Variants in HTR4 observed in about 807,000 individuals in gnomAD.
HTR4 encodes 5-hydroxytryptamine (serotonin) receptor 4, G protein-coupled.
In HTR4, 16 loss-of-function variants were observed where a neutral mutation model predicts 36.8. The observed-to-expected ratio is 0.43, with a 90% CI of 0.29 to 0.66. The LOEUF (loss-of-function observed/expected upper bound fraction) is 0.66, where lower values mean the gene tolerates loss of function less well. Among genes scored for constraint, HTR4 ranks in the 30% least tolerant of loss-of-function variants. HTR4 has a pLI of 0.13. For missense variants in HTR4, 438 were observed against 490.9 expected (o/e 0.89, Z 1.02); for synonymous variants, 189 against 185.1 (o/e 1.02, Z -0.17).
chr5:148,470,212 T>G (rs1435580264), intron 5 of HTR4, among the ~76,000 whole-genome samples: 2 of 152,218 alleles, frequency 1.3e-5, no homozygotes, highest in African/African-American at 4.8e-5. Context: ...TTAATAAAGA[T>G]AGCTAACATT....
chr5:148,589,448 A>G (rs1470842448), intron 2 of HTR4, among the ~76,000 whole-genome samples: 1 of 151,604 alleles, frequency 6.6e-6, no homozygotes, highest in African/African-American at 2.4e-5. Flanking sequence ...GCATTTCCCT[A>G]TTTTCTTGTG....
At chr5:148,473,627 T>C (rs768199437), downstream of HTR4, among the ~76,000 whole-genome samples, 9 of 152,188 alleles carry the variant, frequency 5.9e-5, no homozygotes, top group Non-Finnish European at 1.3e-4. Context: ...ATAATCACTA[T>C]CGGTGTTTGT....
intron 1 of HTR4, among the ~76,000 whole-genome samples, chr5:148,650,157 C>T (rs1157399873): frequency 2.0e-5 from 3 of 152,222 alleles, no homozygotes; most frequent in Non-Finnish European, 4.4e-5. Context: ...TCCCCTCAGC[C>T]ATTTATCCTT....
chr5:148,487,121 T>G (rs1756200326), intron 6 of HTR4, among the ~76,000 whole-genome samples: 1 of 152,212 alleles, frequency 6.6e-6, no homozygotes, highest in South Asian at 2.1e-4. Context: ...ACATTTAATC[T>G]TCAATGCAAA....
At chr5:148,589,970 C>G (rs1361369399) in intron 2 of HTR4, among the ~76,000 whole-genome samples, 10 of 152,076 alleles carry the variant, frequency 6.6e-5, no homozygotes, top group Non-Finnish European at 4.4e-5. Flanking sequence ...GTCTAACAAA[C>G]TTTGTACCCT....
intron 2 of HTR4, among the ~76,000 whole-genome samples, chr5:148,612,169 C>G (rs981077498): frequency 1.3e-5 from 2 of 152,140 alleles, no homozygotes; most frequent in Non-Finnish European, 2.9e-5. Flanking sequence ...AGCTCTGCAC[C>G]AAGCGGACCT....
chr5:148,625,497 C>G (rs1190828707), intron 2 of HTR4, among the ~76,000 whole-genome samples: 3 of 152,064 alleles, frequency 2.0e-5, no homozygotes, highest in Non-Finnish European at 4.4e-5. Context: ...TTTCAACTTC[C>G]CCACTCTTAA....
At chr5:148,477,688 G>A (rs763679159), downstream of HTR4, among the ~76,000 whole-genome samples, 6 of 152,190 alleles carry the variant, frequency 3.9e-5, no homozygotes, top group Non-Finnish European at 7.3e-5. Context: ...CTGACATGTA[G>A]TAACTGGTAA....
At chr5:148,518,006 T>C (rs970886010) in intron 5 of HTR4, among the ~76,000 whole-genome samples, 1 of 152,106 alleles carries the variant, frequency 6.6e-6, no homozygotes, top group Non-Finnish European at 1.5e-5. Flanking sequence ...CTTGATATGT[T>C]AGGAATATTC....
chr5:148,467,915 G>A (rs1468103248), intron 5 of HTR4, among the ~76,000 whole-genome samples: 1 of 152,192 alleles, frequency 6.6e-6, no homozygotes, highest in Non-Finnish European at 1.5e-5. Flanking sequence ...AGGTTGGTAT[G>A]GTGAAAAGGA....
At chr5:148,487,635 A>G (rs1756225088) in intron 6 of HTR4, among the ~76,000 whole-genome samples, 2 of 152,224 alleles carry the variant, frequency 1.3e-5, no homozygotes, top group African/African-American at 4.8e-5. Flanking sequence ...TTACGCACAC[A>G]GGTGTATGAG....
At chr5:148,511,464 G>T (rs561870975) in intron 5 of HTR4, among the ~76,000 whole-genome samples, 21 of 152,090 alleles carry the variant, frequency 1.4e-4, no homozygotes, top group African/African-American at 4.3e-4. Flanking sequence ...TCACATTATT[G>T]CATGTACAGG....
intron 2 of HTR4, among the ~76,000 whole-genome samples, chr5:148,615,957 C>G (rs1581551410): frequency 1.3e-5 from 2 of 152,238 alleles, no homozygotes; most frequent in East Asian, 3.9e-4. Flanking sequence ...CTCTTTTTCC[C>G]TTTGGTTTCC....
chr5:148,610,379 G>T (rs1019712927), intron 2 of HTR4, among the ~76,000 whole-genome samples: 1 of 152,146 alleles, frequency 6.6e-6, no homozygotes, highest in African/African-American at 2.4e-5. Flanking sequence ...CGTGACCCCC[G>T]AGCAGCCTAA....
exon 6 of HTR4, chr5:148,451,117 T>C: frequency 5.0e-6 from 8 of 1,606,830 alleles, no homozygotes; most frequent in Non-Finnish European, 6.8e-6. Context: ...TCAGAAGTGA[T>C]GCCAGGGTGA....
chr5:148,546,916 T>C (rs1759409545), intron 4 of HTR4, among the ~76,000 whole-genome samples: 1 of 152,228 alleles, frequency 6.6e-6, no homozygotes, highest in Non-Finnish European at 1.5e-5. Flanking sequence ...CAGATTGTTG[T>C]AAACAAGCTA....
chr5:148,580,464 C>T (rs1761088665), intron 2 of HTR4, among the ~76,000 whole-genome samples: 1 of 152,016 alleles, frequency 6.6e-6, no homozygotes, highest in Non-Finnish European at 1.5e-5. Context: ...TTATTGTTAA[C>T]TGCAGGCACT....
Position 148,552,823 on chromosome 5 carries a change from T to C in HTR4, c.27-2561A>G, listed in dbSNP as rs535040212. On this transcript the variant is annotated intron_variant, in intron 2 of 6. Coordinates refer to ENST00000377888, the MANE Select transcript of HTR4 (RefSeq NM_000870.7). ...ATGTATTAATGTACATGAAATGCTATGTATTAATATTACATATGTAGATGA... is the reference window on the plus strand; with the variant it reads ...ATGTATTAATGTACATGAAATGCTACGTATTAATATTACATATGTAGATGA... 7.9e-5 allele frequency among the ~76,000 whole-genome samples: 12 copies of C among 152,352 alleles called. 1 individual carries two copies. The South Asian group carries it at 2.3e-3, about 29-fold the overall frequency.
At chr5:148,610,379 G>A (rs1019712927) in intron 2 of HTR4, among the ~76,000 whole-genome samples, 3 of 152,146 alleles carry the variant, frequency 2.0e-5, no homozygotes, top group Admixed American at 6.5e-5. Context: ...CGTGACCCCC[G>A]AGCAGCCTAA....
Sources: allele counts gnomAD v4.1 joint callset (sites outside exome capture counted in the v4.1 genomes callset), GRCh38; gene constraint gnomAD v4.1.1; transcripts MANE v1.5; gene names NCBI Gene and HGNC (gene_info 2026-07-23, HGNC 2026-07-21).